The following RPS6KC1 variants were observed in gnomAD, a reference collection of about 807,000 sequenced individuals.
The protein encoded by RPS6KC1 is inactive ribosomal protein S6 kinase delta-1.
Under a neutral mutation model 103.8 loss-of-function variants are expected in RPS6KC1, and 54 were observed. That is an observed-to-expected ratio of 0.52 (90% CI 0.42 to 0.65). RPS6KC1 has a LOEUF of 0.65. Ranked by LOEUF, RPS6KC1 falls within the 30% of genes least tolerant of loss-of-function variation. The pLI is 0.00. For missense variants in RPS6KC1, 1,151 were observed against 1,253.8 expected (o/e 0.92, Z 1.24); for synonymous variants, 439 against 438.7 (o/e 1.00, Z -0.01).
At chr1:213,216,959 G>A (rs1366648103) in intron 8 of RPS6KC1, among the ~76,000 whole-genome samples, 1 of 151,838 alleles carries the variant, frequency 6.6e-6, no homozygotes, top group Non-Finnish European at 1.5e-5. Flanking sequence ...ACAATTAAAA[G>A]AACTAGAGAA....
the RPS6KC1 span, among the ~76,000 whole-genome samples, chr1:213,625,540 T>C: frequency 1.3e-5 from 2 of 152,204 alleles, no homozygotes; most frequent in Admixed American, 1.3e-4. Context: ...TAACTTGTCA[T>C]TTAACATTAG....
At chr1:213,828,389 GT>G in the RPS6KC1 span, among the ~76,000 whole-genome samples, 2 of 152,146 alleles carry the variant, frequency 1.3e-5, no homozygotes, top group Non-Finnish European at 2.9e-5. Context: ...CTGAAAACAA[GT>G]TTTTTTAAAT....
the RPS6KC1 span, among the ~76,000 whole-genome samples, chr1:213,633,972 G>A: frequency 7.8e-6 from 1 of 128,150 alleles, no homozygotes; most frequent in Non-Finnish European, 1.6e-5. Flanking sequence ...AAGATCAAAA[G>A]AGACAAAGAA....
the RPS6KC1 span, among the ~76,000 whole-genome samples, chr1:213,425,268 A>G: frequency 6.6e-6 from 1 of 152,228 alleles, no homozygotes; most frequent in Non-Finnish European, 1.5e-5. Context: ...GCTGCCATGC[A>G]TTGCATTTCA....
the RPS6KC1 span, among the ~76,000 whole-genome samples, chr1:213,456,566 C>G: frequency 6.6e-6 from 1 of 152,060 alleles, no homozygotes; most frequent in South Asian, 2.1e-4. Context: ...CATGAAGGTC[C>G]CAGTAAGGCT....
the RPS6KC1 span, among the ~76,000 whole-genome samples, chr1:213,439,321 A>G: frequency 1.7e-5 from 1 of 60,478 alleles, no homozygotes; most frequent in Non-Finnish European, 3.2e-5. Context: ...ACCCCCACCC[A>G]TGTTTTATAA....
the RPS6KC1 span, among the ~76,000 whole-genome samples, chr1:213,549,988 G>A: frequency 6.6e-6 from 1 of 152,186 alleles, no homozygotes; most frequent in East Asian, 1.9e-4. Flanking sequence ...GGCATCAGGG[G>A]ATAAGGGGCT....
At chr1:213,700,127 A>G in the RPS6KC1 span, among the ~76,000 whole-genome samples, 1 of 149,426 alleles carries the variant, frequency 6.7e-6, no homozygotes, top group Non-Finnish European at 1.5e-5. Flanking sequence ...TTTTGCCCAG[A>G]TCCATATCTC....
At chr1:213,641,490 C>G in the RPS6KC1 span, among the ~76,000 whole-genome samples, 1 of 152,026 alleles carries the variant, frequency 6.6e-6, no homozygotes, top group Non-Finnish European at 1.5e-5. Context: ...GTCAGTTCCA[C>G]TTTTAGTCTT....
the RPS6KC1 span, among the ~76,000 whole-genome samples, chr1:213,457,933 T>A: frequency 1.3e-5 from 2 of 152,182 alleles, no homozygotes; most frequent in African/African-American, 4.8e-5. Context: ...CTGGGAACAT[T>A]TTACCTCTGA....
the RPS6KC1 span, among the ~76,000 whole-genome samples, chr1:213,723,939 G>A: frequency 6.6e-6 from 1 of 151,992 alleles, no homozygotes; most frequent in Non-Finnish European, 1.5e-5. Context: ...GGGTGGTTGG[G>A]GGGTTGGGGG....
At chr1:213,266,241 T>C (rs1363396373) in intron 14 of RPS6KC1, among the ~76,000 whole-genome samples, 1 of 152,220 alleles carries the variant, frequency 6.6e-6, no homozygotes, top group African/African-American at 2.4e-5. Flanking sequence ...TGGACTGGCA[T>C]ATAATAGGCA....
At chr1:213,310,984 G>C in the RPS6KC1 span, among the ~76,000 whole-genome samples, 18 of 152,070 alleles carry the variant, frequency 1.2e-4, no homozygotes, top group Admixed American at 1.2e-3. Context: ...CTGGTTCTCA[G>C]GTTCTAGGTG....
chr1:213,808,504 C>T, the RPS6KC1 span, among the ~76,000 whole-genome samples: 1 of 152,244 alleles, frequency 6.6e-6, no homozygotes, highest in African/African-American at 2.4e-5. Flanking sequence ...CTCCCCCAGC[C>T]TCGCTGCCAC....
chr1:213,257,415 C>T (rs941616357), intron 12 of RPS6KC1, among the ~76,000 whole-genome samples: 2 of 152,146 alleles, frequency 1.3e-5, no homozygotes, highest in Admixed American at 1.3e-4. Context: ...CTCCTTAGCA[C>T]ATGTTATTAG....
chr1:213,579,128 A>G, the RPS6KC1 span, among the ~76,000 whole-genome samples: 2 of 151,974 alleles, frequency 1.3e-5, no homozygotes, highest in Non-Finnish European at 2.9e-5. Context: ...TATAAATTAC[A>G]CTTTCCCTGA....
At chr1:213,317,385 GCTT>G in the RPS6KC1 span, among the ~76,000 whole-genome samples, 1 of 152,186 alleles carries the variant, frequency 6.6e-6, no homozygotes, top group African/African-American at 2.4e-5. Context: ...CCACTCTGAG[GCTT>G]CTTCTTTTGG....
At chr1:213,347,924 T>C in the RPS6KC1 span, among the ~76,000 whole-genome samples, 1 of 151,724 alleles carries the variant, frequency 6.6e-6, no homozygotes, top group African/African-American at 2.4e-5. Flanking sequence ...TCTTTGGGGG[T>C]TATTAAGCAT....
chr1:213,301,798 C>T, the RPS6KC1 span, among the ~76,000 whole-genome samples: 1 of 151,810 alleles, frequency 6.6e-6, no homozygotes, highest in African/African-American at 2.4e-5. Context: ...TGTAGTGGCA[C>T]GATCTTGGCT....
Sources: gnomAD v4.1 joint callset for allele counts (sites outside exome capture counted in the v4.1 genomes callset) on GRCh38, gnomAD v4.1.1 for gene constraint, MANE v1.5 for transcripts, NCBI Gene and HGNC (gene_info 2026-07-23, HGNC 2026-07-21) for gene names.